Variants in FHAD1 observed in about 807,000 individuals in gnomAD.
The protein encoded by FHAD1 is forkhead-associated domain-containing protein 1.
In FHAD1, 146 loss-of-function variants were observed where a neutral mutation model predicts 191.3. That is an observed-to-expected ratio of 0.76 (90% CI 0.67 to 0.88). The LOEUF is 0.88. FHAD1 is among the 40% of genes least tolerant of loss of function. FHAD1 has a pLI of 0.00. For missense variants in FHAD1, 1,635 were observed against 1,785.8 expected (o/e 0.92, Z 1.52); for synonymous variants, 616 against 672.3 (o/e 0.92, Z 1.29).
At chr1:15,254,340 T>C (rs1647154096) in intron 2 of FHAD1, among the ~76,000 whole-genome samples, 1 of 152,258 alleles carries the variant, frequency 6.6e-6, no homozygotes, top group African/African-American at 2.4e-5. Flanking sequence ...AGCAAACTAC[T>C]TAATCATACT....
In FHAD1 at chr1:15,301,260, T is replaced by C. The variant is rs939168724; in HGVS notation, c.734T>C (p.Ile245Thr). The C allele has an allele frequency of 3.2e-6, 5 of 1,551,522 alleles. No homozygotes were observed. In the African/African-American group the frequency reaches 4.1e-5, roughly 13 times the overall value. Reference protein sequence around the residue: ...KEVSRLSDYEIESKYKDVIIA... With the variant: ...KEVSRLSDYETESKYKDVIIA... ...GTCAGCCGTCTCTCAGATTATGAAA[T>C]TGAATCCAAATACAAAGACGTCATA... Residue 245 changes from isoleucine to threonine, a missense_variant, in exon 6 of 34, where the codon ATT becomes ACT. Coordinates refer to ENST00000688493, the MANE Select transcript of FHAD1 (RefSeq NM_001391957.1).
intron 2 of FHAD1, among the ~76,000 whole-genome samples, chr1:15,267,506 G>A (rs947308957): frequency 6.6e-6 from 1 of 152,036 alleles, no homozygotes; most frequent in Non-Finnish European, 1.5e-5. Flanking sequence ...TCTATTTTCT[G>A]GAAGAGATTG....
chr1:15,354,580 C>T (rs1055890921), intron 20 of FHAD1, among the ~76,000 whole-genome samples: 17 of 152,144 alleles, frequency 1.1e-4, no homozygotes, highest in South Asian at 6.2e-4. Flanking sequence ...TATCATGGAT[C>T]CTCCGTGAAA....
chr1:15,358,216 AAGCAGAG>A lies in FHAD1; in HGVS notation c.2673_2679del (p.Glu892SerfsTer3). On this transcript the variant is annotated frameshift_variant, in exon 21 of 34. Transcript: ENST00000688493. LOFTEE classifies it high-confidence loss of function. ...AAAACAAAGGCAACTGAAAGTCTAAAAGCAGAGAGCCTCGCCTTGAAATTAAATGAAA... is the reference window on the plus strand; with the variant it reads ...AAAACAAAGGCAACTGAAAGTCTAAAAGCCTCGCCTTGAAATTAAATGAAA... 6.5e-7 allele frequency: 1 copy of A among 1,542,304 alleles called. No individual in the cohort carries two copies. Among genetic ancestry groups the A allele is most frequent in the Non-Finnish European group, 8.7e-7 (1 of 1,145,066 alleles).
Position 15,289,421 on chromosome 1 carries a change from G to A in FHAD1, c.323G>A (p.Gly108Asp). The change falls in exon 4 of 34, where the codon GGC becomes GAC. Residue 108 changes from glycine (G) to aspartate (D), a missense_variant. Transcript: ENST00000688493. This position sits in a 1 kb window ranked among gnomAD's most constrained non-coding sequence, Gnocchi z 4.2. ...CAGGTCTCTTTCCCATGGATGAGGG[G>A]CCCAGCACCATGGCCAGGGCCACAG... ...PPPVSFPWMR[G>D]PAPWPGPQPP... The A allele has an allele frequency of 6.4e-7, 1 of 1,551,734 alleles. No individual in the cohort carries two copies. Among genetic ancestry groups the A allele is most frequent in the African/African-American group, 1.4e-5 (1 of 73,174 alleles).
chr1:15,282,921 A>G (rs1032641299), intron 3 of FHAD1, among the ~76,000 whole-genome samples: 1 of 152,244 alleles, frequency 6.6e-6, no homozygotes. Flanking sequence ...TTGCCCAGGA[A>G]AGAATTCAAG....
In FHAD1 at chr1:15,287,411, C is replaced by T. The variant is rs151306459; in HGVS notation, c.301-1988C>T. Among the ~76,000 whole-genome samples, 630 of 152,196 alleles carry T rather than the reference C, an allele frequency of 4.1e-3. 22 individuals are homozygous for T. Among genetic ancestry groups the T allele is most frequent in the Admixed American group, 0.035 (531 of 15,286 alleles). ...CACAGTTCCCCAGGGCTGGGGAGGC[C>T]TCAGGAAACTTACAATCATGGCAGA... On this transcript the variant is annotated intron_variant, in intron 3 of 33. Coordinates refer to ENST00000688493, the MANE Select transcript of FHAD1 (RefSeq NM_001391957.1).
At chr1:15,279,518 C>T (rs1367797732) in intron 3 of FHAD1, among the ~76,000 whole-genome samples, 2 of 127,290 alleles carry the variant, frequency 1.6e-5, no homozygotes, top group East Asian at 5.2e-4. Flanking sequence ...CTTCTTCCTT[C>T]TTTCTTGCCT....
rs1678242140 is a variant in FHAD1, at chr1:15,325,691, T to A, written c.1473+1132T>A. 6.6e-6 allele frequency: 1 copy of A among 152,412 alleles called. No homozygotes were observed. Among genetic ancestry groups the A allele is most frequent in the Non-Finnish European group, 1.5e-5 (1 of 68,206 alleles). The allele number at this position is 152,412 out of a possible 1,614,324, so 9.4% of individuals were successfully genotyped here. A position where few individuals can be genotyped will look rare whatever the true frequency, so the allele number is the denominator to read the frequency against. On this transcript the variant is annotated intron_variant, in intron 11 of 33. Transcript: ENST00000688493. This position sits in a 1 kb window ranked among gnomAD's most constrained non-coding sequence, Gnocchi z 4.6. ...CCTGATTTGAGGGTCTGACCCGTGC[T>A]CCTTGCCCAAGGGCCAAGGTTCTTG... is the stretch of plus-strand genomic sequence containing the variant.
chr1:15,346,532 G>A (rs946551321), intron 18 of FHAD1, among the ~76,000 whole-genome samples: 1 of 152,148 alleles, frequency 6.6e-6, no homozygotes, highest in African/African-American at 2.4e-5. Flanking sequence ...TTCCTAAAGG[G>A]AGGTGGCCAG....
At chr1:15,370,403 C>T (rs764845873) in intron 26 of FHAD1, among the ~76,000 whole-genome samples, 3 of 152,198 alleles carry the variant, frequency 2.0e-5, no homozygotes, top group Non-Finnish European at 2.9e-5. Context: ...TGAAGATCTG[C>T]CTTACCCTTT....
intron 28 of FHAD1, among the ~76,000 whole-genome samples, chr1:15,376,281 A>G (rs1054688604): frequency 2.0e-5 from 3 of 151,800 alleles, no homozygotes; most frequent in Non-Finnish European, 2.9e-5. Flanking sequence ...TAGTAGAGAC[A>G]GGGTTTCACC....
rs1204676665 is a variant in FHAD1, at chr1:15,327,253, T to C, written c.1557+111T>C. The C allele has an allele frequency of 3.0e-6, 2 of 671,942 alleles. No individual in the cohort carries two copies. The highest frequency in any genetic ancestry group is 1.8e-5 in the African/African-American group (1 of 54,918). The allele number at this position is 671,942 out of a possible 1,614,324, so 41.6% of individuals were successfully genotyped here. A position where few individuals can be genotyped will look rare whatever the true frequency, so the allele number is the denominator to read the frequency against. On this transcript the variant is annotated intron_variant, in intron 12 of 33. Coordinates refer to ENST00000688493, the MANE Select transcript of FHAD1 (RefSeq NM_001391957.1). This position sits in a 1 kb window ranked among gnomAD's most constrained non-coding sequence, Gnocchi z 5.1. ...TGTTTCTGTTTTTGTTGGTGGCATA[T>C]TTTTCACACTGTTGCTACACCATAA...
chr1:15,296,652 C>A, intron 4 of FHAD1, 32 bp from the exon 5 acceptor site: 1 of 1,532,830 alleles, frequency 6.5e-7, no homozygotes, highest in African/African-American at 1.4e-5. Context: ...CTCATGATGT[C>A]TTTTGTGCTC....
Position 15,329,412 on chromosome 1 carries a change from C to A in FHAD1, c.1777C>A (p.Gln593Lys). The A allele has an allele frequency of 6.4e-7, 1 of 1,551,280 alleles. No individual in the cohort carries two copies. ...KKEVDLLQHLQVSPPVSGLQK... is the reference protein window; with the variant it reads ...KKEVDLLQHLKVSPPVSGLQK... ...GGAGGTCGACCTTCTTCAGCACCTC[C>A]AGGTGAGCCCACCTGTCTCGGGGCT... The change falls in exon 14 of 34, where the codon CAG becomes AAG. Residue 593 changes from glutamine to lysine, a missense_variant. Gln to Lys is a moderately conservative substitution (Grantham distance 53, BLOSUM62 1). Coordinates refer to ENST00000688493, the MANE Select transcript of FHAD1 (RefSeq NM_001391957.1). This position sits in a 1 kb window ranked among gnomAD's most constrained non-coding sequence, Gnocchi z 5.0.
At chr1:15,322,362 G>T (rs1355431982) in intron 10 of FHAD1, among the ~76,000 whole-genome samples, 1 of 152,196 alleles carries the variant, frequency 6.6e-6, no homozygotes, top group Non-Finnish European at 1.5e-5. Flanking sequence ...CTCTGACCTA[G>T]AAATTATTAT....
chr1:15,295,634 C>CATATATATATATAT (rs34586844), intron 4 of FHAD1, among the ~76,000 whole-genome samples: 11 of 150,416 alleles, frequency 7.3e-5, no homozygotes, highest in African/African-American at 2.7e-4. Context: ...TCTCTCTAAA[C>CATATATATATATAT]ATATATATAT....
At chr1:15,238,471 CT>C (rs1199511241) in intron 1 of FHAD1, among the ~76,000 whole-genome samples, 1 of 152,138 alleles carries the variant, frequency 6.6e-6, no homozygotes, top group Non-Finnish European at 1.5e-5. Context: ...CCAAGGCCTT[CT>C]GGAATTTGCT....
intron 10 of FHAD1, 23 bp downstream of exon 10, chr1:15,317,951 A>G: frequency 6.7e-7 from 1 of 1,483,542 alleles, no homozygotes; most frequent in Non-Finnish European, 9.2e-7. Context: ...CAACAGGCCC[A>G]GAGAGTGGTG....
Sources: allele counts gnomAD v4.1 joint callset (sites outside exome capture counted in the v4.1 genomes callset), GRCh38; gene constraint gnomAD v4.1.1; non-coding constraint Gnocchi (gnomAD v3.1); transcripts MANE v1.5; gene names NCBI Gene and HGNC (gene_info 2026-07-23, HGNC 2026-07-21).